ZNF596: variants seen among roughly 807,000 people sequenced by gnomAD.
The protein encoded by ZNF596 is zinc finger protein 596.
ZNF596 carries 45 observed loss-of-function variants against 48.3 expected under a neutral mutation model. The observed-to-expected ratio is 0.93, with a 90% CI of 0.73 to 1.19. The LOEUF (loss-of-function observed/expected upper bound fraction) is 1.19. Ranked by LOEUF, ZNF596 falls within the 50% of genes most tolerant of loss-of-function variation. The pLI is 0.00. For synonymous variants in ZNF596, 270 were observed against 202.0 expected, an observed-to-expected ratio of 1.34 and a Z score of -2.85; for missense variants, 848 against 599.7, an observed-to-expected ratio of 1.41 and a Z score of -4.32.
chr8:235,976 C>A (rs1796599485), intron 1 of ZNF596, among the ~76,000 whole-genome samples: 1 of 152,094 alleles, frequency 6.6e-6, no homozygotes, highest in African/African-American at 2.4e-5. Context: ...GACTAATTCT[C>A]ATTTTTTACA....
chr8:246,495 A>G lies in ZNF596; in HGVS notation c.*133A>G. The G allele has an allele frequency of 8.6e-7, 1 of 1,167,314 alleles. No individual in the cohort carries two copies. Among genetic ancestry groups the G allele is most frequent in the Non-Finnish European group, 1.2e-6 (1 of 845,970 alleles). 72.3% of individuals were successfully genotyped at this position (1,167,314 alleles called of 1,614,324 possible). On this transcript the variant is annotated 3_prime_UTR_variant, in exon 6 of 6. Coordinates refer to ENST00000398612, the MANE Select transcript of ZNF596 (RefSeq NM_001042416.3). The stretch of plus-strand genomic sequence containing the variant: ...TGCTCAACCTAAATGAATTCAAGGT[A>G]GAGAGAATCCAGATGTATTTAATGT...
intron 4 of ZNF596, chr8:244,324 T>C (rs1349131821): frequency 3.0e-6 from 1 of 333,368 alleles, no homozygotes; most frequent in African/African-American, 2.2e-5. Flanking sequence ...CTTTGTCTTT[T>C]GTAAAGGGGA....
At chr8:240,946 C>G in intron 2 of ZNF596, 39 bp downstream of exon 2, 2 of 1,613,114 alleles carry the variant, frequency 1.2e-6, no homozygotes, top group Non-Finnish European at 8.5e-7. Context: ...AATTTGTACC[C>G]CTGTTACCAG....
intron 1 of ZNF596, chr8:234,656 A>T (rs1796552121): frequency 6.6e-6 from 1 of 152,208 alleles, no homozygotes; most frequent in African/African-American, 2.4e-5. Context: ...TGTTTTTAGG[A>T]TGTGGTAATC....
At chr8:238,237 C>T (rs1324691197) in intron 1 of ZNF596, among the ~76,000 whole-genome samples, 2 of 152,004 alleles carry the variant, frequency 1.3e-5, no homozygotes, top group Non-Finnish European at 2.9e-5. Context: ...TTTATGGTGG[C>T]CCCCATGGTT....
Position 245,987 on chromosome 8 carries a change from A to G in ZNF596, c.1140A>G (p.Arg380=). 6.2e-7 allele frequency: 1 copy of G among 1,614,148 alleles called. No homozygotes were observed. The highest frequency in any genetic ancestry group is 8.5e-7 in the Non-Finnish European group (1 of 1,180,026). Reference sequence around the variant, plus strand: ...TCACTGAATCTTCTGTGCTTAAACGACATGAGAGAATTCACACTGGAGAGA... The same window carrying G: ...TCACTGAATCTTCTGTGCTTAAACGGCATGAGAGAATTCACACTGGAGAGA... ...KAFTESSVLK[R]HERIHTGEKP... Residue 380 remains arginine (R), a synonymous_variant, in exon 6 of 6, where the codon CGA becomes CGG. Transcript: ENST00000398612.
rs575165618 is a variant in ZNF596, at chr8:245,442, G to T, written c.595G>T (p.Val199Leu). ...HTREITLECRVCGKTFSKNSN... is the reference protein window; with the variant it reads ...HTREITLECRLCGKTFSKNSN... ...TAGAGAGATAACATTGGAATGTCGT[G>T]TGTGTGGGAAAACCTTTAGCAAAAA... The change falls in exon 6 of 6, where the codon GTG (valine) becomes TTG (leucine). Residue 199 changes from valine to leucine, a missense_variant. Coordinates refer to ENST00000398612, the MANE Select transcript of ZNF596 (RefSeq NM_001042416.3). 1.2e-6 allele frequency: 2 copies of T among 1,614,164 alleles called. No homozygotes were observed. The highest frequency in any genetic ancestry group is 3.3e-5 in the Admixed American group (2 of 60,028).
At position 242,876 on chromosome 8, in the gene ZNF596, T is replaced by C; in HGVS notation, c.13-11T>C. 1 of 1,529,854 alleles carries C rather than the reference T, an allele frequency of 6.5e-7. No individual in the cohort carries two copies. Among genetic ancestry groups the C allele is most frequent in the Non-Finnish European group, 8.9e-7 (1 of 1,129,426 alleles). 94.8% of individuals were successfully genotyped at this position (1,529,854 alleles called of 1,614,324 possible). ...AGCCCTGTTTGCAGTAGAATGTCCATAATGTTTTAGGATTCCATGACCTTC... is the reference window on the plus strand; with the variant it reads ...AGCCCTGTTTGCAGTAGAATGTCCACAATGTTTTAGGATTCCATGACCTTC... On this transcript the variant is annotated splice_polypyrimidine_tract_variant and intron_variant, in intron 2 of 5. Transcript: ENST00000398612.
At chr8:234,731 A>G (rs898082396) in intron 1 of ZNF596, 1 of 152,134 alleles carries the variant, frequency 6.6e-6, no homozygotes, top group African/African-American at 2.4e-5. Context: ...TCCCATCTTC[A>G]CGCTATCACA....
chr8:233,078 A>T (rs955294340), intron 1 of ZNF596: 2 of 467,830 alleles, frequency 4.3e-6, no homozygotes, highest in African/African-American at 4.2e-5. Flanking sequence ...GAGAAAACAG[A>T]GGAGGGAGGT....
At chr8:245,014 G>C (rs779164240) in intron 5 of ZNF596, 140 bp from the exon 6 acceptor site, 1 of 1,061,634 alleles carries the variant, frequency 9.4e-7, no homozygotes, top group South Asian at 1.7e-5. Context: ...TACTACGTTT[G>C]TATAACTGAT....
Position 245,512 on chromosome 8 carries a change from C to T in ZNF596, c.665C>T (p.Pro222Leu), listed in dbSNP as rs750250026. The change falls in exon 6 of 6, where the codon CCA (proline) becomes CTA (leucine). Residue 222 changes from proline (P) to leucine (L), a missense_variant. Transcript: ENST00000398612. Reference protein sequence around the residue: ...RHEMIHTGEKPHGCHLCGKAF... With the variant: ...RHEMIHTGEKLHGCHLCGKAF... ...GAGATGATTCACACTGGAGAGAAAC[C>T]ACACGGATGTCATCTATGTGGGAAA... 1 of 1,614,178 alleles carries T rather than the reference C, an allele frequency of 6.2e-7. No homozygotes were observed. Among genetic ancestry groups the T allele is most frequent in the East Asian group, 2.2e-5 (1 of 44,874 alleles).
At chr8:239,309 C>T (rs754998833) in intron 1 of ZNF596, among the ~76,000 whole-genome samples, 1 of 152,156 alleles carries the variant, frequency 6.6e-6, no homozygotes, top group Non-Finnish European at 1.5e-5. Context: ...ATACCTCAGC[C>T]TCCCGAATAG....
intron 3 of ZNF596, 54 bp downstream of exon 3, chr8:243,067 A>C (rs1796919214): frequency 6.6e-7 from 1 of 1,508,274 alleles, no homozygotes. Context: ...TCACTCACTC[A>C]TTTTTCACTG....
chr8:241,746 A>C (rs7841786), intron 2 of ZNF596, among the ~76,000 whole-genome samples: 43,891 of 151,998 alleles, frequency 0.29, 7,103 homozygotes, highest in African/African-American at 0.45. Context: ...GTCCATTTTC[A>C]CACCGCTATA....
intron 1 of ZNF596, chr8:233,358 T>G (rs1411290815): frequency 6.0e-6 from 2 of 332,946 alleles, no homozygotes; most frequent in African/African-American, 4.4e-5. Flanking sequence ...CCTTTTAAAT[T>G]TATTGTGTCA....
chr8:245,033 A>T (rs1235703189), intron 5 of ZNF596, 121 bp from the exon 6 acceptor site: 3 of 1,223,350 alleles, frequency 2.5e-6, no homozygotes, highest in African/African-American at 1.5e-5. Flanking sequence ...ATATAGGAAC[A>T]ATTGTAACTG....
chr8:243,924 G>A (rs1194099207), intron 4 of ZNF596, 119 bp downstream of exon 4: 2 of 796,464 alleles, frequency 2.5e-6, no homozygotes, highest in East Asian at 3.1e-5. Context: ...ATCTCACTCT[G>A]TCACCCAGGC....
In ZNF596 at chr8:245,235, G is replaced by C. The variant is rs1325340481; in HGVS notation, c.388G>C (p.Val130Leu). 1.2e-6 allele frequency: 2 copies of C among 1,613,846 alleles called. No homozygotes were observed. Among genetic ancestry groups the C allele is most frequent in the African/African-American group, 2.7e-5 (2 of 74,928 alleles). Residue 130 changes from valine (V) to leucine (L), a missense_variant, in exon 6 of 6, where the codon GTG becomes CTG. Coordinates refer to ENST00000398612, the MANE Select transcript of ZNF596 (RefSeq NM_001042416.3). ...TCAACATATAGCATTGACTCAAAATGTGATTACCTACATGAGAACGAAACA... is the reference window on the plus strand; with the variant it reads ...TCAACATATAGCATTGACTCAAAATCTGATTACCTACATGAGAACGAAACA... ...FTQHIALTQNVITYMRTKHFV... is the reference protein window; with the variant it reads ...FTQHIALTQNLITYMRTKHFV...
Sources: gnomAD v4.1 joint callset for allele counts (sites outside exome capture counted in the v4.1 genomes callset) on GRCh38, gnomAD v4.1.1 for gene constraint, MANE v1.5 for transcripts, NCBI Gene and HGNC (gene_info 2026-07-23, HGNC 2026-07-21) for gene names.